The following TBX1 variants were observed in gnomAD, a reference collection of about 807,000 sequenced individuals.
The protein encoded by TBX1 is T-box transcription factor TBX1.
Under a neutral mutation model 40.8 loss-of-function variants are expected in TBX1, and 16 were observed. That is an observed-to-expected ratio of 0.39 (90% confidence interval 0.27 to 0.60). The LOEUF (loss-of-function observed/expected upper bound fraction) is 0.60. TBX1 is among the 20% of genes least tolerant of loss of function. TBX1 has a pLI of 0.51. For missense variants in TBX1, 755 were observed against 728.5 expected, an observed-to-expected ratio of 1.04 and a Z score of -0.42; for synonymous variants, 403 against 336.8, an observed-to-expected ratio of 1.20 and a Z score of -2.15.
intron 3 of TBX1, 27 bp downstream of exon 3, chr22:19,764,353 G>A (rs1936763898): frequency 1.2e-6 from 2 of 1,605,260 alleles, no homozygotes; most frequent in African/African-American, 2.7e-5. Context: ...CCAGGCTCCG[G>A]TGTCCCCCAA....
intron 8 of TBX1, among the ~76,000 whole-genome samples, chr22:19,773,431 G>A (rs888559119): frequency 5.9e-5 from 9 of 152,202 alleles, no homozygotes; most frequent in Non-Finnish European, 1.3e-4. Flanking sequence ...CTAGTTATGA[G>A]AGAGACTTGC....
chr22:19,761,390 C>G, intron 1 of TBX1, 110 bp downstream of exon 1: 1 of 1,277,092 alleles, frequency 7.8e-7, no homozygotes, highest in African/African-American at 1.6e-5. Context: ...GGGGGCGCGG[C>G]CTGGCCACCT....
downstream of TBX1, among the ~76,000 whole-genome samples, chr22:19,781,292 A>C (rs1937140331): frequency 6.6e-6 from 1 of 152,038 alleles, no homozygotes; most frequent in African/African-American, 2.4e-5. Flanking sequence ...TATGTTGCCC[A>C]GGCTGGACTC....
chr22:19,782,974 A>T (rs764567301), downstream of TBX1: 1 of 1,444,344 alleles, frequency 6.9e-7, no homozygotes, highest in South Asian at 1.1e-5. Context: ...TGAAGCCCCC[A>T]AGTAAGAAGT....
upstream of TBX1, among the ~76,000 whole-genome samples, chr22:19,758,666 G>A (rs1159722931): frequency 1.3e-5 from 2 of 152,100 alleles, no homozygotes; most frequent in Admixed American, 6.5e-5. Flanking sequence ...GCCAGGCTCC[G>A]CCCCCGGCCC....
downstream of TBX1, chr22:19,782,826 G>A: frequency 6.2e-7 from 1 of 1,610,782 alleles, no homozygotes; most frequent in Non-Finnish European, 8.5e-7. Context: ...AGAGAAACAA[G>A]GACAAGCCTT....
In TBX1 at chr22:19,766,549, A is replaced by T; in HGVS notation, c.1197A>T (p.Gly399=). The change falls in exon 7 of 7, where the codon GGA becomes GGT. Residue 399 remains glycine (G), a synonymous_variant. Coordinates refer to ENST00000649276, the MANE Select transcript of TBX1 (RefSeq NM_001379200.1). ...GGLVPLPGAP[G]GRPSPPNPEL... ...TAGTCCCGCTGCCCGGCGCGCCCGG[A>T]GGCCGGCCCAGTCCCCCGAACCCCG... is the stretch of plus-strand genomic sequence containing the variant. 1 of 1,359,672 alleles carries T rather than the reference A, an allele frequency of 7.4e-7. No individual in the cohort carries two copies. Among genetic ancestry groups the T allele is most frequent in the Non-Finnish European group, 9.4e-7 (1 of 1,059,144 alleles). 84.2% of individuals were successfully genotyped at this position (1,359,672 alleles called of 1,614,324 possible). A position where few individuals can be genotyped will look rare whatever the true frequency, so the allele number is the denominator to read the frequency against.
intron 8 of TBX1, among the ~76,000 whole-genome samples, chr22:19,775,875 G>A (rs1659692983): frequency 6.6e-6 from 1 of 152,196 alleles, no homozygotes; most frequent in Non-Finnish European, 1.5e-5. Context: ...GAGCCTGAGG[G>A]GTCTGGCTGC....
At chr22:19,782,720 C>G (rs1190832927), downstream of TBX1, among the ~76,000 whole-genome samples, 3 of 152,196 alleles carry the variant, frequency 2.0e-5, no homozygotes, top group Non-Finnish European at 2.9e-5. Context: ...CTCTTCCCAC[C>G]TACTGATGGT....
chr22:19,760,412 G>A (rs1209896467), upstream of TBX1, among the ~76,000 whole-genome samples: 7 of 149,470 alleles, frequency 4.7e-5, no homozygotes, highest in Admixed American at 2.0e-4. Flanking sequence ...AAAGATGATC[G>A]GGAGGGAAAA....
chr22:19,770,059 C>G (rs1427401763), downstream of TBX1, among the ~76,000 whole-genome samples: 2 of 152,174 alleles, frequency 1.3e-5, no homozygotes, highest in Non-Finnish European at 2.9e-5. Flanking sequence ...GCTGTTCCCC[C>G]ACAGGCTCCC....
Position 19,760,995 on chromosome 22 carries a change from A to C in TBX1, c.152A>C (p.Glu51Ala). ...GGCGCCGACCCGTACGGCCCGCGCG[A>C]GCCCCCGCCGCCGCCGCCGCGCTAC... ...SPGADPYGPR[E>A]PPPPPPRYDP... The change falls in exon 1 of 7, where the codon GAG becomes GCG. Residue 51 changes from glutamate (E) to alanine (A), a missense_variant. Around this residue, in one of 3 missense-constraint regions of TBX1, gnomAD observed 199 missense variants for 173.0 expected, o/e 1.15. Coordinates refer to ENST00000649276, the MANE Select transcript of TBX1 (RefSeq NM_001379200.1). 1.1e-6 allele frequency: 1 copy of C among 944,430 alleles called. No homozygotes were observed. The highest frequency in any genetic ancestry group is 1.3e-6 in the Non-Finnish European group (1 of 797,478). 58.5% of individuals were successfully genotyped at this position (944,430 alleles called of 1,614,324 possible).
upstream of TBX1, among the ~76,000 whole-genome samples, chr22:19,758,778 G>A (rs1936544648): frequency 6.6e-6 from 1 of 152,190 alleles, no homozygotes; most frequent in African/African-American, 2.4e-5. Context: ...GCGCGCAAGT[G>A]CGCGTGACGC....
chr22:19,770,975 T>C (rs1164479266), downstream of TBX1, among the ~76,000 whole-genome samples: 1 of 152,212 alleles, frequency 6.6e-6, no homozygotes, highest in Non-Finnish European at 1.5e-5. Flanking sequence ...TCCCTTCAGC[T>C]GTGGTGCTGA....
rs747623105 is a variant in TBX1 at position 19,766,726 on chromosome 22, C to G, written c.1374C>G (p.His458Gln). Residue 458 changes from histidine to glutamine, a missense_variant, in exon 7 of 7, where the codon CAC becomes CAG. His to Gln is a conservative substitution (Grantham distance 24). Transcript: ENST00000649276. ...TGCGTGGCCACGGCTACCACCCGCA[C>G]GCGCATCCGCACCACCACCACCACC... ...PGLRGHGYHP[H>Q]AHPHHHHHPV... The G allele has an allele frequency of 4.7e-5, 72 of 1,541,888 alleles. No homozygotes were observed. The Middle Eastern group carries it at 9.4e-4, about 20-fold the overall frequency.
Position 19,767,300 on chromosome 22 carries a change from C to G in TBX1, c.*433C>G. 2.0e-6 allele frequency: 2 copies of G among 993,396 alleles called. No individual in the cohort carries two copies. The highest frequency in any genetic ancestry group is 2.4e-6 in the Non-Finnish European group (2 of 835,346). 61.5% of individuals were successfully genotyped at this position (993,396 alleles called of 1,614,324 possible). Reference sequence around the variant, plus strand: ...GTAGATACTGTAGATACCGCCCCGGCGCCGACTTGATAAACGGTTTCGCCT... The same window carrying G: ...GTAGATACTGTAGATACCGCCCCGGGGCCGACTTGATAAACGGTTTCGCCT... On this transcript the variant is annotated 3_prime_UTR_variant, in exon 7 of 7. Coordinates refer to ENST00000649276, the MANE Select transcript of TBX1 (RefSeq NM_001379200.1).
upstream of TBX1, among the ~76,000 whole-genome samples, chr22:19,757,028 C>T (rs1340120792): frequency 2.0e-5 from 3 of 152,164 alleles, no homozygotes; most frequent in Admixed American, 6.5e-5. Flanking sequence ...CGGCTGGAGG[C>T]TGGGACGGCC....
upstream of TBX1, among the ~76,000 whole-genome samples, chr22:19,758,665 C>T (rs963310191): frequency 6.6e-6 from 1 of 152,188 alleles, no homozygotes; most frequent in Non-Finnish European, 1.5e-5. Context: ...GGCCAGGCTC[C>T]GCCCCCGGCC....
chr22:19,773,805 G>A (rs1012368440), intron 8 of TBX1, among the ~76,000 whole-genome samples: 3 of 152,228 alleles, frequency 2.0e-5, no homozygotes, highest in African/African-American at 4.8e-5. Flanking sequence ...GGACACCAGC[G>A]TGGTCTCCTT....
Sources: allele counts gnomAD v4.1 joint callset (sites outside exome capture counted in the v4.1 genomes callset), GRCh38; gene constraint gnomAD v4.1.1; regional missense constraint gnomAD v4.1.1; transcripts MANE v1.5; gene names NCBI Gene and HGNC (gene_info 2026-07-23, HGNC 2026-07-21).